FHOD3: variants seen among roughly 807,000 people sequenced by gnomAD.
The protein encoded by FHOD3 is FH1/FH2 domain-containing protein 3.
FHOD3 carries 90 observed loss-of-function variants against 173.0 expected under a neutral mutation model. That is an observed-to-expected ratio of 0.52 (90% CI 0.44 to 0.62). FHOD3 has a LOEUF of 0.62. Among genes scored for constraint, FHOD3 ranks in the 20% least tolerant of loss-of-function variants. The pLI, the probability that FHOD3 is intolerant of heterozygous loss-of-function variation, is 0.00. For missense variants in FHOD3, 1,945 were observed against 2,034.7 expected (o/e 0.96, Z 0.85); for synonymous variants, 828 against 823.0 (o/e 1.01, Z -0.10).
intron 10 of FHOD3, among the ~76,000 whole-genome samples, chr18:36,645,528 C>G (rs1339573224): frequency 6.6e-6 from 1 of 152,152 alleles, no homozygotes; most frequent in Non-Finnish European, 1.5e-5. Context: ...TAGAGGCACC[C>G]CGAGTCCAGA....
intron 20 of FHOD3, among the ~76,000 whole-genome samples, chr18:36,737,869 G>T (rs2150011978): frequency 6.6e-6 from 1 of 152,308 alleles, no homozygotes; most frequent in East Asian, 1.9e-4. Flanking sequence ...ATAGAGTGCA[G>T]TCGACTTTTT....
chr18:36,684,394 A>G (rs550564114), intron 15 of FHOD3, among the ~76,000 whole-genome samples: 3 of 152,342 alleles, frequency 2.0e-5, no homozygotes, highest in South Asian at 4.1e-4. Context: ...ACCACAAAGG[A>G]CATAGATATT....
intron 5 of FHOD3, among the ~76,000 whole-genome samples, chr18:36,572,564 A>G (rs1011147475): frequency 2.0e-5 from 3 of 152,220 alleles, no homozygotes; most frequent in Non-Finnish European, 4.4e-5. Flanking sequence ...CTTGAATTCC[A>G]TTAGACATGA....
chr18:36,626,077 A>G (rs1299185662), intron 10 of FHOD3, among the ~76,000 whole-genome samples: 1 of 152,228 alleles, frequency 6.6e-6, no homozygotes, highest in Non-Finnish European at 1.5e-5. Flanking sequence ...TCAAAACACA[A>G]AACTTTGGCC....
At chr18:36,518,430 G>A (rs2056104455) in intron 5 of FHOD3, among the ~76,000 whole-genome samples, 1 of 152,154 alleles carries the variant, frequency 6.6e-6, no homozygotes, top group Non-Finnish European at 1.5e-5. Context: ...AGGAGTCTTG[G>A]AGGTGTCTTC....
chr18:36,698,774 C>T (rs1325180444), intron 17 of FHOD3, among the ~76,000 whole-genome samples: 1 of 152,182 alleles, frequency 6.6e-6, no homozygotes, highest in African/African-American at 2.4e-5. Context: ...AGACAAAGGA[C>T]TTCATTACTT....
intron 4 of FHOD3, 151 bp from the exon 5 acceptor site, chr18:36,512,287 G>T: frequency 1.6e-6 from 1 of 641,706 alleles, no homozygotes; most frequent in Non-Finnish European, 2.8e-6. Flanking sequence ...AATTCTTTTG[G>T]CAACAGTTGA....
Position 36,297,824 on chromosome 18 carries a change from C to T in FHOD3, c.-12C>T. ...AACCCCGGGGCCCGCGCCCCCGCGGCAGGGATGCATCATGGCCACGCTGGC... is the reference window on the plus strand; with the variant it reads ...AACCCCGGGGCCCGCGCCCCCGCGGTAGGGATGCATCATGGCCACGCTGGC... On this transcript the variant is annotated 5_prime_UTR_variant, in exon 1 of 29. Transcript: ENST00000590592. 1 of 1,503,870 alleles carries T rather than the reference C, an allele frequency of 6.6e-7. No homozygotes were observed. The highest frequency in any genetic ancestry group is 8.9e-7 in the Non-Finnish European group (1 of 1,125,504). 93.2% of individuals were successfully genotyped at this position (1,503,870 alleles called of 1,614,324 possible).
At chr18:36,466,849 A>G (rs1351116253) in intron 3 of FHOD3, among the ~76,000 whole-genome samples, 1 of 134,492 alleles carries the variant, frequency 7.4e-6, no homozygotes, top group Non-Finnish European at 1.6e-5. Flanking sequence ...GAGGGGAACC[A>G]AACGTTTTGT....
chr18:36,721,468 C>G (rs1438324282), intron 19 of FHOD3, among the ~76,000 whole-genome samples: 2 of 152,054 alleles, frequency 1.3e-5, no homozygotes, highest in Non-Finnish European at 2.9e-5. Context: ...TGGTGAAACC[C>G]CATCTCTATA....
At chr18:36,348,451 T>C (rs575207317) in intron 1 of FHOD3, among the ~76,000 whole-genome samples, 1 of 152,262 alleles carries the variant, frequency 6.6e-6, no homozygotes, top group Non-Finnish European at 1.5e-5. Flanking sequence ...GGGCTAGCTT[T>C]GTGGGCGTGT....
chr18:36,505,196 A>G (rs1331412272), intron 4 of FHOD3, among the ~76,000 whole-genome samples: 2 of 152,252 alleles, frequency 1.3e-5, no homozygotes, highest in Non-Finnish European at 2.9e-5. Context: ...TATTGTTAAA[A>G]TGTCCAAAAG....
chr18:36,490,726 C>T (rs902452370), intron 3 of FHOD3, among the ~76,000 whole-genome samples: 64 of 152,146 alleles, frequency 4.2e-4, no homozygotes, highest in African/African-American at 1.5e-3. Context: ...AAAACTAGTG[C>T]TCTGCCCCAT....
At chr18:36,556,121 T>C (rs1293726930) in intron 5 of FHOD3, among the ~76,000 whole-genome samples, 1 of 152,214 alleles carries the variant, frequency 6.6e-6, no homozygotes, top group African/African-American at 2.4e-5. Flanking sequence ...TTTTCCTCTT[T>C]TTCTGCCTTT....
At chr18:36,321,483 T>C (rs564003252) in intron 1 of FHOD3, among the ~76,000 whole-genome samples, 8 of 152,358 alleles carry the variant, frequency 5.3e-5, no homozygotes, top group African/African-American at 1.7e-4. Context: ...TTCTGTTTTT[T>C]CTCTCCTGGC....
intron 10 of FHOD3, among the ~76,000 whole-genome samples, chr18:36,637,406 T>G (rs1223271475): frequency 6.6e-6 from 1 of 152,134 alleles, no homozygotes; most frequent in East Asian, 1.9e-4. Flanking sequence ...TGAGTTCATG[T>G]GAGCACATCC....
At chr18:36,704,886 G>A (rs144254336) in intron 17 of FHOD3, among the ~76,000 whole-genome samples, 146 of 152,316 alleles carry the variant, frequency 9.6e-4, no homozygotes, top group African/African-American at 3.2e-3. Flanking sequence ...ACCTCCTGCT[G>A]TTCAGAGTCT....
At chr18:36,714,827 G>C (rs1446988914) in intron 18 of FHOD3, among the ~76,000 whole-genome samples, 1 of 152,180 alleles carries the variant, frequency 6.6e-6, no homozygotes, top group Admixed American at 6.5e-5. Context: ...GTAGCTCCTT[G>C]TTCTGGTGTT....
intron 3 of FHOD3, among the ~76,000 whole-genome samples, chr18:36,489,813 G>GT (rs2054375176): frequency 6.6e-6 from 1 of 152,060 alleles, no homozygotes; most frequent in South Asian, 2.1e-4. Context: ...ATACCTTAAG[G>GT]TTCTCCAGAT....
Sources: gnomAD v4.1 joint callset for allele counts (sites outside exome capture counted in the v4.1 genomes callset) on GRCh38, gnomAD v4.1.1 for gene constraint, MANE v1.5 for transcripts, NCBI Gene and HGNC (gene_info 2026-07-23, HGNC 2026-07-21) for gene names.